DTX1: variants seen among roughly 807,000 people sequenced by gnomAD.
The protein encoded by DTX1 is E3 ubiquitin-protein ligase DTX1.
In DTX1, 26 loss-of-function variants were observed where a neutral mutation model predicts 57.8. That is an observed-to-expected ratio of 0.45 (90% CI 0.33 to 0.62). The LOEUF (loss-of-function observed/expected upper bound fraction) is 0.62, where lower values mean the gene tolerates loss of function less well. Ranked by LOEUF, DTX1 falls within the 20% of genes least tolerant of loss-of-function variation. DTX1 has a pLI of 0.02. For synonymous variants in DTX1, 398 were observed against 394.1 expected, an observed-to-expected ratio of 1.01 and a Z score of -0.12; for missense variants, 704 against 895.3, an observed-to-expected ratio of 0.79 and a Z score of 2.73.
At position 113,077,528 on chromosome 12, in the gene DTX1, G is replaced by A; in HGVS notation, c.364G>A (p.Asp122Asn). 6.2e-7 allele frequency: 1 copy of A among 1,613,700 alleles called. No homozygotes were observed. ...CGACGGCGGCGCATGGACGGCCTAC[G>A]ATATGGACATCTGCATCACCATCCA... ...ENDGGAWTAY[D>N]MDICITIQNA... Residue 122 changes from aspartate to asparagine, a missense_variant, in exon 3 of 10, where the codon GAT becomes AAT. Asp to Asn is a conservative substitution (Grantham distance 23, BLOSUM62 1). Transcript: ENST00000548759. This position sits in a 1 kb window ranked among gnomAD's most constrained non-coding sequence, Gnocchi z 7.8.
intron 3 of DTX1, among the ~76,000 whole-genome samples, chr12:113,083,172 A>G (rs775279252): frequency 5.3e-5 from 8 of 152,152 alleles, no homozygotes; most frequent in Non-Finnish European, 1.2e-4. Context: ...GGCCCATCCT[A>G]GTGACCTCAT....
chr12:113,095,746 G>T (rs1472556802), intron 9 of DTX1: 4 of 315,290 alleles, frequency 1.3e-5, no homozygotes, highest in Non-Finnish European at 2.4e-5. Context: ...CCTACAGGTT[G>T]TCTGATTTGA....
At position 113,078,742 on chromosome 12, in the gene DTX1, C is replaced by G. The variant is rs575818284; in HGVS notation, c.941+637C>G. Among the ~76,000 whole-genome samples, 4 of 152,218 alleles carry G rather than the reference C, an allele frequency of 2.6e-5. No individual in the cohort carries two copies. In the South Asian group the frequency reaches 8.3e-4, roughly 32 times the overall value. ...GCTTCAGAGTCCATCTGTCCTTGTC[C>G]CAGTCCATGCCCACCTCACATGGTG... is the stretch of plus-strand genomic sequence containing the variant. On this transcript the variant is annotated intron_variant, in intron 3 of 9. Transcript: ENST00000548759.
chr12:113,057,048 G>A (rs529855028), intron 1 of DTX1, 104 bp downstream of exon 1: 1 of 152,300 alleles, frequency 6.6e-6, no homozygotes, highest in Non-Finnish European at 1.5e-5. Flanking sequence ...TACCCCCAGG[G>A]CGGGAGGCAG....
chr12:113,064,606 C>T (rs990061919), intron 2 of DTX1, among the ~76,000 whole-genome samples: 2 of 152,152 alleles, frequency 1.3e-5, no homozygotes, highest in Non-Finnish European at 2.9e-5. Context: ...CCAGCTTGGC[C>T]CCTTGCTGGC....
In DTX1 at chr12:113,094,844, T is replaced by G. The variant is rs1950274925; in HGVS notation, c.1283T>G (p.Leu428Arg). 3 of 1,613,722 alleles carry G rather than the reference T, an allele frequency of 1.9e-6. No individual in the cohort carries two copies. Among genetic ancestry groups the G allele is most frequent in the Non-Finnish European group, 2.5e-6 (3 of 1,179,978 alleles). The change falls in exon 7 of 10, where the codon CTT becomes CGT. Residue 428 changes from leucine (L) to arginine (R), a missense_variant. Physicochemically the swap from Leu to Arg is moderately radical, Grantham distance 102. This residue lies in a region of DTX1 where 299 missense variants were observed against 311.2 expected (regional missense o/e 0.96). Transcript: ENST00000548759. The stretch of plus-strand genomic sequence containing the variant: ...ACAGCATCAGGCTACGAGGGCGTGC[T>G]TCGGCACAAGGGCGTGCGGCCTGAG... ...LVTASGYEGV[L>R]RHKGVRPELV...
chr12:113,078,129 G>T, intron 3 of DTX1, 24 bp downstream of exon 3: 3 of 1,337,336 alleles, frequency 2.2e-6, no homozygotes, highest in Non-Finnish European at 2.9e-6. Context: ...CAGGGGGAGG[G>T]GGCCTCTGCG....
intron 2 of DTX1, among the ~76,000 whole-genome samples, chr12:113,059,991 C>T (rs2044654725): frequency 1.3e-5 from 2 of 152,068 alleles, no homozygotes; most frequent in Non-Finnish European, 2.9e-5. Flanking sequence ...GAAAGGAGGC[C>T]AGCCTTTCTA....
At chr12:113,079,363 T>A (rs2044798696) in intron 3 of DTX1, among the ~76,000 whole-genome samples, 1 of 152,102 alleles carries the variant, frequency 6.6e-6, no homozygotes, top group Non-Finnish European at 1.5e-5. Flanking sequence ...ATGCGACCTT[T>A]GGGGTCACTG....
Position 113,094,823 on chromosome 12 carries a change from C to T in DTX1, c.1262C>T (p.Ala421Val), listed in dbSNP as rs759531292. ...ATCTGCATGGAGCGACTGGTCACAG[C>T]ATCAGGCTACGAGGGCGTGCTTCGG... ...CTICMERLVT[A>V]SGYEGVLRHK... Residue 421 changes from alanine (A) to valine (V), a missense_variant, in exon 7 of 10, where the codon GCA becomes GTA. Ala to Val is a moderately conservative substitution (Grantham distance 64). Coordinates refer to ENST00000548759, the MANE Select transcript of DTX1 (RefSeq NM_004416.3). The T allele has an allele frequency of 1.9e-6, 3 of 1,613,880 alleles. No homozygotes were observed. Among genetic ancestry groups the T allele is most frequent in the Non-Finnish European group, 2.5e-6 (3 of 1,179,988 alleles).
At chr12:113,069,791 C>A (rs1383381663) in intron 2 of DTX1, among the ~76,000 whole-genome samples, 2 of 152,124 alleles carry the variant, frequency 1.3e-5, no homozygotes, top group Non-Finnish European at 2.9e-5. Flanking sequence ...GTGTGTGAGC[C>A]CCTAGCACAG....
At chr12:113,094,121 T>TG in intron 6 of DTX1, 22 bp downstream of exon 6, 94 of 443,222 alleles carry the variant, frequency 2.1e-4, no homozygotes, top group Admixed American at 1.3e-3. Context: ...ATGGGGGGGC[T>TG]GGGGGAGGGC....
chr12:113,078,605 A>G (rs1005323458), intron 3 of DTX1, among the ~76,000 whole-genome samples: 1 of 152,180 alleles, frequency 6.6e-6, no homozygotes, highest in African/African-American at 2.4e-5. Context: ...GGGGAAGCCA[A>G]GGCTGGGAAA....
intron 3 of DTX1, among the ~76,000 whole-genome samples, chr12:113,091,808 A>G (rs1190664161): frequency 1.3e-5 from 2 of 152,180 alleles, no homozygotes; most frequent in Non-Finnish European, 2.9e-5. Flanking sequence ...TCCAGCTGTC[A>G]CTGCTCCCAG....
In DTX1 at chr12:113,059,334, A is replaced by G. The variant is rs535818376; in HGVS notation, c.259+883A>G. 9.3e-5 allele frequency among the ~76,000 whole-genome samples: 14 copies of G among 151,248 alleles called. No individual in the cohort carries two copies. The South Asian group carries it at 3.0e-3, about 32-fold the overall frequency. On this transcript the variant is annotated intron_variant, in intron 2 of 9. Transcript: ENST00000548759. ...GTGGTGATGATGGAGAAAATGAGAG[A>G]ATGATGTTGGTGGCAGTCTTCGTGG...
chr12:113,069,818 G>C (rs1253907749), intron 2 of DTX1, among the ~76,000 whole-genome samples: 1 of 152,184 alleles, frequency 6.6e-6, no homozygotes, highest in East Asian at 1.9e-4. Flanking sequence ...GCACTGCGGA[G>C]CATTCGGTAA....
Position 113,077,324 on chromosome 12 carries a change from C to A in DTX1, c.260-100C>A. 1 of 1,369,756 alleles carries A rather than the reference C, an allele frequency of 7.3e-7. No individual in the cohort carries two copies. The highest frequency in any genetic ancestry group is 9.7e-7 in the Non-Finnish European group (1 of 1,028,092). The allele number at this position is 1,369,756 out of a possible 1,614,324, so 84.9% of individuals were successfully genotyped here. On this transcript the variant is annotated intron_variant, in intron 2 of 9. Transcript: ENST00000548759. The surrounding 1 kb of genome is among the most constrained non-coding windows in gnomAD (Gnocchi z 7.8). ...GACCCCCTGGAGGCCTGTGCTGACC[C>A]CCCAACCTCCCGCCCACCCTTGCCT...
intron 3 of DTX1, among the ~76,000 whole-genome samples, chr12:113,081,911 G>A (rs2044820976): frequency 6.6e-6 from 1 of 152,160 alleles, no homozygotes; most frequent in Admixed American, 6.5e-5. Context: ...AGGCCAGGTT[G>A]GGTGGCCTCA....
intron 2 of DTX1, among the ~76,000 whole-genome samples, chr12:113,069,284 T>G (rs1395243368): frequency 1.3e-5 from 2 of 152,124 alleles, no homozygotes; most frequent in African/African-American, 4.8e-5. Flanking sequence ...CTGAATCCCC[T>G]GCTGGGTGTG....
Sources: gnomAD v4.1 joint callset for allele counts (sites outside exome capture counted in the v4.1 genomes callset) on GRCh38, gnomAD v4.1.1 for gene constraint, gnomAD v4.1.1 regional missense constraint, Gnocchi (gnomAD v3.1) non-coding constraint, MANE v1.5 for transcripts, NCBI Gene and HGNC (gene_info 2026-07-23, HGNC 2026-07-21) for gene names.